The following PCDHGB4 variants were observed in gnomAD, a reference collection of about 807,000 sequenced individuals.
The protein encoded by PCDHGB4 is protocadherin gamma subfamily B, 4.
PCDHGB4 carries 38 observed loss-of-function variants against 60.5 expected under a neutral mutation model. The ratio of observed to expected loss-of-function variants is 0.63; its 90% CI spans 0.48 to 0.82. The LOEUF is 0.82. Among genes scored for constraint, PCDHGB4 ranks in the 40% least tolerant of loss-of-function variants. The probability of loss-of-function intolerance (pLI) is 0.00; values close to 1 mark genes in which losing one functional copy is unlikely to be tolerated. For synonymous variants in PCDHGB4, 456 were observed against 509.7 expected (o/e 0.89, Z 1.42); for missense variants, 1,109 against 1,209.6 (o/e 0.92, Z 1.23).
intron 3 of PCDHGB4, chr5:141,508,127 G>A (rs1220643878): frequency 6.6e-6 from 1 of 152,628 alleles, no homozygotes; most frequent in Non-Finnish European, 1.5e-5. Context: ...ACAGAGGGAG[G>A]TCAGGGAGCT....
At chr5:141,415,479 A>G (rs750765604) in intron 1 of PCDHGB4, 19 of 1,613,988 alleles carry the variant, frequency 1.2e-5, no homozygotes, top group South Asian at 2.2e-5. Flanking sequence ...CGGACTCGCG[A>G]AAGAGTCACC....
chr5:141,480,694 G>A (rs1446014656), intron 1 of PCDHGB4, among the ~76,000 whole-genome samples: 1 of 152,128 alleles, frequency 6.6e-6, no homozygotes, highest in Non-Finnish European at 1.5e-5. Flanking sequence ...TGAAACCCAG[G>A]CCACACCCCG....
intron 1 of PCDHGB4, among the ~76,000 whole-genome samples, chr5:141,443,479 C>G (rs1285767691): frequency 6.6e-6 from 1 of 152,144 alleles, no homozygotes; most frequent in African/African-American, 2.4e-5. Context: ...GAATTAGACC[C>G]TGTCCCAAAA....
At position 141,490,176 on chromosome 5, in the gene PCDHGB4, G is replaced by T. The variant is rs758876319; in HGVS notation, c.2398-4631G>T. On this transcript the variant is annotated intron_variant, in intron 1 of 3. Transcript: ENST00000519479. This position sits in a 1 kb window ranked among gnomAD's most constrained non-coding sequence, Gnocchi z 5.4. ...TGTTGGGTCCCATAGACTTTGAGGAGTCACGTTTCTATGAAATTCATGCAA... is the reference window on the plus strand; with the variant it reads ...TGTTGGGTCCCATAGACTTTGAGGATTCACGTTTCTATGAAATTCATGCAA... 12 of 1,614,100 alleles carry T rather than the reference G, an allele frequency of 7.4e-6. No homozygotes were observed. Among genetic ancestry groups the T allele is most frequent in the Non-Finnish European group, 1.0e-5 (12 of 1,180,046 alleles).
chr5:141,501,636 C>T (rs2099810310), intron 2 of PCDHGB4, among the ~76,000 whole-genome samples: 1 of 152,130 alleles, frequency 6.6e-6, no homozygotes, highest in South Asian at 2.1e-4. Flanking sequence ...CTCAACCTCT[C>T]TGAGCCCTGT....
At position 141,491,289 on chromosome 5, in the gene PCDHGB4, C is replaced by T. The variant is rs2099710219; in HGVS notation, c.2398-3518C>T. ...CCAAATCCAGTGACTTCCTCATACA[C>T]CCTCCTGAGCGTTCAGACCTTACCC... On this transcript the variant is annotated intron_variant, in intron 1 of 3. Transcript: ENST00000519479. The surrounding 1 kb of genome is among the most constrained non-coding windows in gnomAD (Gnocchi z 6.9). 2 of 1,614,112 alleles carry T rather than the reference C, an allele frequency of 1.2e-6. No homozygotes were observed. The highest frequency in any genetic ancestry group is 1.7e-6 in the Non-Finnish European group (2 of 1,179,942).
chr5:141,479,057 T>A (rs2099487107), intron 1 of PCDHGB4, among the ~76,000 whole-genome samples: 1 of 152,234 alleles, frequency 6.6e-6, no homozygotes, highest in East Asian at 1.9e-4. Context: ...TCTCAGATAA[T>A]TTTTTATGAA....
At position 141,431,123 on chromosome 5, in the gene PCDHGB4, GAAGT is replaced by G. The variant is rs751548736; in HGVS notation, c.2397+40846_2397+40849del. The G allele has an allele frequency of 1.2e-6, 2 of 1,614,100 alleles. No individual in the cohort carries two copies. The highest frequency in any genetic ancestry group is 3.3e-5 in the Admixed American group (2 of 60,014). On this transcript the variant is annotated intron_variant, in intron 1 of 3. Transcript: ENST00000519479. This position sits in a 1 kb window ranked among gnomAD's most constrained non-coding sequence, Gnocchi z 4.8. ...AGTGAAAATATATGGAGTAGAAGTA[GAAGT>G]AAGGGACATTAACGACAATGCGCCT... is the stretch of plus-strand genomic sequence containing the variant.
intron 1 of PCDHGB4, chr5:141,426,513 C>G (rs780618436): frequency 2.3e-5 from 8 of 341,028 alleles, no homozygotes; most frequent in African/African-American, 4.3e-5. Flanking sequence ...AATACTTTAC[C>G]GTGAACACGG....
chr5:141,413,435 G>T lies in PCDHGB4; in HGVS notation c.2397+23154G>T, dbSNP rs1018097924. 17 of 1,614,004 alleles carry T rather than the reference G, an allele frequency of 1.1e-5. No homozygotes were observed. The African/African-American group carries it at 2.1e-4, about 20-fold the overall frequency. On this transcript the variant is annotated intron_variant, in intron 1 of 3. Coordinates refer to ENST00000519479, the MANE Select transcript of PCDHGB4 (RefSeq NM_003736.4). Reference sequence around the variant, plus strand: ...TTCTCTCTGAACCCGCGCAGCGGCAGCTTGATCACCGCGGGCAGGATAGAC... The same window carrying T: ...TTCTCTCTGAACCCGCGCAGCGGCATCTTGATCACCGCGGGCAGGATAGAC...
Position 141,511,225 on chromosome 5 carries a change from C to A in PCDHGB4, c.*52C>A. ...GGCGGCCTCTCCCCAACCAGCCCAG[C>A]TTCTCCTTACCTGCACCCAGGCCTC... On this transcript the variant is annotated 3_prime_UTR_variant, in exon 4 of 4. Transcript: ENST00000519479. The A allele has an allele frequency of 6.2e-7, 1 of 1,601,624 alleles. No individual in the cohort carries two copies. Among genetic ancestry groups the A allele is most frequent in the Non-Finnish European group, 8.5e-7 (1 of 1,174,162 alleles).
intron 1 of PCDHGB4, chr5:141,405,433 T>G (rs539486666): frequency 2.0e-6 from 3 of 1,471,752 alleles, no homozygotes; most frequent in Admixed American, 3.9e-5. Flanking sequence ...TTTTGTTTTG[T>G]TTTTGAGACA....
In PCDHGB4 at chr5:141,418,027, T is replaced by C. The variant is rs536104184; in HGVS notation, c.2397+27746T>C. On this transcript the variant is annotated intron_variant, in intron 1 of 3. Coordinates refer to ENST00000519479, the MANE Select transcript of PCDHGB4 (RefSeq NM_003736.4). ...GGAACCTCGCTAAGGATCTAGGGCT[T>C]AGTGTCCTGGATGTGTCGGCTCGCG... is the stretch of plus-strand genomic sequence containing the variant. 144 of 1,613,732 alleles carry C rather than the reference T, an allele frequency of 8.9e-5. No homozygotes were observed. The East Asian group carries it at 1.2e-3, about 14-fold the overall frequency.
intron 2 of PCDHGB4, among the ~76,000 whole-genome samples, chr5:141,502,944 A>G (rs1447378539): frequency 1.4e-5 from 2 of 145,406 alleles, no homozygotes; most frequent in Non-Finnish European, 1.5e-5. Context: ...CCTGGGTTCA[A>G]GCGATTCTCC....
intron 1 of PCDHGB4, among the ~76,000 whole-genome samples, chr5:141,400,980 C>T (rs977355527): frequency 6.6e-6 from 1 of 152,102 alleles, no homozygotes; most frequent in African/African-American, 2.4e-5. Context: ...TCTTATGTTC[C>T]TCATATATGC....
Position 141,491,758 on chromosome 5 carries a change from C to A in PCDHGB4, c.2398-3049C>A. The stretch of plus-strand genomic sequence containing the variant: ...TGGGGGCGGCACTGGAGAAGCCGCC[C>A]GTCCTCATAAGGGATTGAACTTGCA... On this transcript the variant is annotated intron_variant, in intron 1 of 3. Coordinates refer to ENST00000519479, the MANE Select transcript of PCDHGB4 (RefSeq NM_003736.4). This position sits in a 1 kb window ranked among gnomAD's most constrained non-coding sequence, Gnocchi z 6.9. 6.3e-7 allele frequency: 1 copy of A among 1,578,788 alleles called. No homozygotes were observed. Among genetic ancestry groups the A allele is most frequent in the Non-Finnish European group, 8.6e-7 (1 of 1,163,522 alleles).
At position 141,486,761 on chromosome 5, in the gene PCDHGB4, A is replaced by G. The variant is rs1368106682; in HGVS notation, c.2398-8046A>G. 1 of 1,614,114 alleles carries G rather than the reference A, an allele frequency of 6.2e-7. No homozygotes were observed. The highest frequency in any genetic ancestry group is 8.5e-7 in the Non-Finnish European group (1 of 1,180,056). ...ATCCTTTGACTATGAGCAAACCCAG[A>G]CACTGCAGTTTGAGGTGCAGGCCCG... On this transcript the variant is annotated intron_variant, in intron 1 of 3. Transcript: ENST00000519479. The surrounding 1 kb of genome is among the most constrained non-coding windows in gnomAD (Gnocchi z 5.0).
At chr5:141,444,119 T>G (rs1236466434) in intron 1 of PCDHGB4, among the ~76,000 whole-genome samples, 4 of 146,736 alleles carry the variant, frequency 2.7e-5, no homozygotes, top group African/African-American at 1.0e-4. Context: ...AAGTGAAGTA[T>G]CTCAACAGAT....
chr5:141,465,520 G>C (rs2099104807), intron 1 of PCDHGB4, among the ~76,000 whole-genome samples: 1 of 152,144 alleles, frequency 6.6e-6, no homozygotes, highest in Non-Finnish European at 1.5e-5. Flanking sequence ...GAAGGATTCT[G>C]GGGAAGTTTT....
Sources: gnomAD v4.1 joint callset for allele counts (sites outside exome capture counted in the v4.1 genomes callset) on GRCh38, gnomAD v4.1.1 for gene constraint, Gnocchi (gnomAD v3.1) non-coding constraint, MANE v1.5 for transcripts, NCBI Gene and HGNC (gene_info 2026-07-23, HGNC 2026-07-21) for gene names.